The following DNAJC1 variants were observed in gnomAD, a reference collection of about 807,000 sequenced individuals.
DNAJC1 encodes dnaJ homolog subfamily C member 1.
Under a neutral mutation model 76.6 loss-of-function variants are expected in DNAJC1, and 58 were observed. The observed-to-expected ratio is 0.76, with a 90% confidence interval of 0.61 to 0.94. The LOEUF (loss-of-function observed/expected upper bound fraction) is 0.94. DNAJC1 is among the 40% of genes least tolerant of loss of function. The pLI is 0.00. For synonymous variants in DNAJC1, 258 were observed against 267.9 expected, an observed-to-expected ratio of 0.96 and a Z score of 0.36; for missense variants, 689 against 677.3, an observed-to-expected ratio of 1.02 and a Z score of -0.19.
chr10:21,813,172 CTCCCTCT>C (rs1564794729), intron 8 of DNAJC1, among the ~76,000 whole-genome samples: 21 of 61,348 alleles, frequency 3.4e-4, no homozygotes, highest in Non-Finnish European at 4.9e-4. Flanking sequence ...CTCTCTCTCT[CTCCCTCT>C]CTCTCTCTCT....
intron 9 of DNAJC1, among the ~76,000 whole-genome samples, chr10:21,786,463 T>TATATAGAGAGAGAGAG (rs1332368009): frequency 4.3e-5 from 1 of 23,420 alleles, no homozygotes; most frequent in African/African-American, 1.5e-4. Context: ...TATATATATA[T>TATATAGAGAGAGAGAG]AGAGAGAGAG....
chr10:21,926,672 G>C (rs554017598), intron 3 of DNAJC1, among the ~76,000 whole-genome samples: 5 of 152,274 alleles, frequency 3.3e-5, no homozygotes, highest in Non-Finnish European at 7.4e-5. Flanking sequence ...AAGCTTTAGA[G>C]GAGTGATTCT....
chr10:21,957,846 A>G lies in DNAJC1; in HGVS notation c.223-28705T>C, dbSNP rs1837716714. 6.6e-5 allele frequency among the ~76,000 whole-genome samples: 10 copies of G among 152,174 alleles called. No individual in the cohort carries two copies. The South Asian group carries it at 2.1e-3, about 31-fold the overall frequency. ...AATGTGCTTACTTTCATATATGTGT[A>G]CATGTAGAAATGTTCCACTTTCTTT... On this transcript the variant is annotated intron_variant, in intron 1 of 11. Coordinates refer to ENST00000376980, the MANE Select transcript of DNAJC1 (RefSeq NM_022365.4).
intron 1 of DNAJC1, among the ~76,000 whole-genome samples, chr10:21,966,350 G>A (rs1220107647): frequency 6.6e-6 from 1 of 151,474 alleles, no homozygotes; most frequent in Non-Finnish European, 1.5e-5. Context: ...TAAGTATTCT[G>A]GGCATACTTT....
chr10:21,782,085 A>T (rs980986457), intron 9 of DNAJC1, among the ~76,000 whole-genome samples: 4 of 152,202 alleles, frequency 2.6e-5, no homozygotes, highest in African/African-American at 9.6e-5. Context: ...AAATCCTTCA[A>T]AAAAATCAAT....
chr10:21,946,100 G>C lies in DNAJC1; in HGVS notation c.223-16959C>G, dbSNP rs541662993. On this transcript the variant is annotated intron_variant, in intron 1 of 11. Coordinates refer to ENST00000376980, the MANE Select transcript of DNAJC1 (RefSeq NM_022365.4). ...CTGTTGCCCAGGCTGGAGTGCAGTG[G>C]CGCGATCTCAGCTCACTGCAATCTC... Among the ~76,000 whole-genome samples, 881 of 135,274 alleles carry C rather than the reference G, an allele frequency of 6.5e-3. 8 individuals carry two copies. Among genetic ancestry groups the C allele is most frequent in the Non-Finnish European group, 7.3e-3 (477 of 65,558 alleles). 88.7% of individuals were successfully genotyped at this position (135,274 alleles called of 152,430 possible).
rs61757220 is a variant in DNAJC1 at position 21,759,326 on chromosome 10, G to T, written c.1440C>A (p.Ser480Arg). Residue 480 changes from serine to arginine, a missense_variant, in exon 11 of 12, where the codon AGC becomes AGA. Coordinates refer to ENST00000376980, the MANE Select transcript of DNAJC1 (RefSeq NM_022365.4). ...TCTCTTTTCTCAGGCTCTCCTCGTC[G>T]CTGGACTCGTTTTGTTCTGCTATGT... ...DFDIAEQNES[S>R]DEESLRKERA... The T allele has an allele frequency of 6.8e-6, 11 of 1,614,048 alleles. No homozygotes were observed. The highest frequency in any genetic ancestry group is 1.3e-5 in the African/African-American group (1 of 74,906).
At chr10:21,814,141 G>A (rs574648784) in intron 8 of DNAJC1, among the ~76,000 whole-genome samples, 11 of 152,276 alleles carry the variant, frequency 7.2e-5, no homozygotes, top group Admixed American at 1.3e-4. Flanking sequence ...CACCTACAGC[G>A]AACATGCTAA....
intron 9 of DNAJC1, 89 bp from the exon 10 acceptor site, chr10:21,766,398 G>T: frequency 1.0e-6 from 1 of 962,334 alleles, no homozygotes; most frequent in East Asian, 2.4e-5. Flanking sequence ...CCATGTGAAT[G>T]AACACAGTTC....
At position 21,766,348 on chromosome 10, in the gene DNAJC1, G is replaced by A. The variant is rs1834299930; in HGVS notation, c.1099-39C>T. 4 of 1,520,784 alleles carry A rather than the reference G, an allele frequency of 2.6e-6. No homozygotes were observed. In the East Asian group the frequency reaches 6.8e-5, roughly 26 times the overall value. The allele number at this position is 1,520,784 out of a possible 1,614,324, so 94.2% of individuals were successfully genotyped here. On this transcript the variant is annotated intron_variant, in intron 9 of 11. Transcript: ENST00000376980. ...TAAAAGCAAAAATCTTACTTTCCAT[G>A]TACCTACTATATGCTGAGTGAAACG...
intron 1 of DNAJC1, among the ~76,000 whole-genome samples, chr10:21,939,092 T>C (rs950998729): frequency 2.0e-5 from 3 of 152,148 alleles, no homozygotes; most frequent in African/African-American, 7.2e-5. Context: ...GGTTTCACCA[T>C]GTTGGCCAGG....
At chr10:21,881,851 A>T (rs1836284373) in intron 8 of DNAJC1, among the ~76,000 whole-genome samples, 1 of 149,394 alleles carries the variant, frequency 6.7e-6, no homozygotes. Flanking sequence ...TTGTAAAAAA[A>T]AAAAAAAAAA....
At position 22,003,233 on chromosome 10, in the gene DNAJC1, G is replaced by C; in HGVS notation, c.202C>G (p.Gln68Glu). The change falls in exon 1 of 12, where the codon CAG (glutamine) becomes GAG (glutamate). Residue 68 changes from glutamine to glutamate, a missense_variant. Transcript: ENST00000376980. Reference protein sequence around the residue: ...LVEEVQLNFYQFLGVQQDASS... With the variant: ...LVEEVQLNFYEFLGVQQDASS... The stretch of plus-strand genomic sequence containing the variant: ...CTTACCTGCTGCACCCCGAGGAACT[G>C]GTAGAAGTTGAGCTGCACCTCCTCC... 6.4e-7 allele frequency: 1 copy of C among 1,569,676 alleles called. No individual in the cohort carries two copies. Among genetic ancestry groups the C allele is most frequent in the Non-Finnish European group, 8.6e-7 (1 of 1,159,904 alleles).
chr10:22,003,343 AGCGGCGTCCGCG>A lies in DNAJC1; in HGVS notation c.80_91del (p.Pro27_Pro30del), dbSNP rs1259171240. On this transcript the variant is annotated inframe_deletion, in exon 1 of 12. Transcript: ENST00000376980. ...CAGCAGCAGCAGCAGCAGCCACAGC[AGCGGCGTCCGCG>A]GCGGCGGCGGCGGGAACGGCACCAG... 6 of 1,448,788 alleles carry A rather than the reference AGCGGCGTCCGCG, an allele frequency of 4.1e-6. No homozygotes were observed. In the African/African-American group the frequency reaches 7.5e-5, roughly 18 times the overall value. 89.7% of individuals were successfully genotyped at this position (1,448,788 alleles called of 1,614,324 possible).
intron 7 of DNAJC1, among the ~76,000 whole-genome samples, chr10:21,891,491 A>AG (rs1564819000): frequency 2.7e-5 from 4 of 150,330 alleles, no homozygotes; most frequent in Admixed American, 1.3e-4. Flanking sequence ...AAAAAAAAAA[A>AG]AAAAGAAAAG....
intron 8 of DNAJC1, among the ~76,000 whole-genome samples, chr10:21,881,661 A>G (rs1041989254): frequency 6.6e-6 from 1 of 152,048 alleles, no homozygotes; most frequent in African/African-American, 2.4e-5. Flanking sequence ...CCAAATAATT[A>G]TAACAGTAAC....
chr10:21,958,860 A>G (rs906094240), intron 1 of DNAJC1, among the ~76,000 whole-genome samples: 1 of 152,138 alleles, frequency 6.6e-6, no homozygotes, highest in African/African-American at 2.4e-5. Context: ...ACTTCTTTCT[A>G]AAAGTTATTA....
chr10:21,948,715 T>C (rs946183041), intron 1 of DNAJC1, among the ~76,000 whole-genome samples: 10 of 152,188 alleles, frequency 6.6e-5, no homozygotes, highest in Non-Finnish European at 1.5e-4. Flanking sequence ...TATGAATATA[T>C]AGGAAAAAAC....
intron 9 of DNAJC1, among the ~76,000 whole-genome samples, chr10:21,770,395 CTTTTTTTTT>C (rs34881959): frequency 9.3e-6 from 1 of 107,568 alleles, no homozygotes; most frequent in African/African-American, 4.1e-5. Context: ...TTTTTTTCTT[CTTTTTTTTT>C]TTTTTTTTTT....
Sources: gnomAD v4.1 joint callset for allele counts (sites outside exome capture counted in the v4.1 genomes callset) on GRCh38, gnomAD v4.1.1 for gene constraint, MANE v1.5 for transcripts, NCBI Gene and HGNC (gene_info 2026-07-23, HGNC 2026-07-21) for gene names.